GRK3: variants seen among roughly 807,000 people sequenced by gnomAD.
The protein encoded by GRK3 is G protein-coupled receptor kinase 3.
Under a neutral mutation model 95.7 loss-of-function variants are expected in GRK3, and 54 were observed. The ratio of observed to expected loss-of-function variants is 0.56; its 90% CI spans 0.45 to 0.71. The LOEUF is 0.71. Among genes scored for constraint, GRK3 ranks in the 30% least tolerant of loss-of-function variants. GRK3 has a pLI of 0.00. For missense variants in GRK3, 649 were observed against 851.2 expected (o/e 0.76, Z 2.96); for synonymous variants, 281 against 290.8 (o/e 0.97, Z 0.34).
chr22:25,704,327 G>A (rs2146456102), intron 15 of GRK3, 118 bp downstream of exon 15: 3 of 680,536 alleles, frequency 4.4e-6, no homozygotes, highest in African/African-American at 1.8e-5. Flanking sequence ...ACTTGAAAGG[G>A]GAAAAAAATA....
At chr22:25,598,985 A>G (rs192271809) in intron 1 of GRK3, among the ~76,000 whole-genome samples, 1 of 152,330 alleles carries the variant, frequency 6.6e-6, no homozygotes, top group African/African-American at 2.4e-5. Flanking sequence ...GATGCTAGAA[A>G]AATTGAATGT....
chr22:25,695,262 C>T (rs1337818071), intron 13 of GRK3, 48 bp downstream of exon 13: 1 of 1,345,706 alleles, frequency 7.4e-7, no homozygotes, highest in South Asian at 1.2e-5. Context: ...GCAGCAGGAG[C>T]TTGGATGAAA....
chr22:25,633,738 G>A (rs2084680575), intron 2 of GRK3, among the ~76,000 whole-genome samples: 1 of 151,948 alleles, frequency 6.6e-6, no homozygotes, highest in East Asian at 1.9e-4. Flanking sequence ...TGGCAAAATG[G>A]TTGATTGTGT....
intron 11 of GRK3, among the ~76,000 whole-genome samples, chr22:25,688,219 G>C (rs567673863): frequency 7.5e-6 from 1 of 133,110 alleles, no homozygotes; most frequent in East Asian, 2.2e-4. Flanking sequence ...CTGGACAACA[G>C]AGCAAGACTC....
At chr22:25,597,993 G>A (rs977707103) in intron 1 of GRK3, among the ~76,000 whole-genome samples, 17 of 152,208 alleles carry the variant, frequency 1.1e-4, no homozygotes, top group African/African-American at 3.9e-4. Flanking sequence ...GGCAGAAGGT[G>A]TATGGTACCA....
chr22:25,692,088 C>T (rs2085169254), intron 12 of GRK3, among the ~76,000 whole-genome samples: 1 of 152,136 alleles, frequency 6.6e-6, no homozygotes, highest in African/African-American at 2.4e-5. Context: ...CTCAGCTTCC[C>T]AGGTAGCTGG....
intron 3 of GRK3, among the ~76,000 whole-genome samples, chr22:25,655,864 A>G (rs1369182812): frequency 1.3e-5 from 2 of 152,282 alleles, no homozygotes; most frequent in East Asian, 1.9e-4. Flanking sequence ...TCACAGGCTA[A>G]CTGTGAGTTT....
intron 17 of GRK3, among the ~76,000 whole-genome samples, chr22:25,713,069 A>G (rs2085356710): frequency 6.6e-6 from 1 of 152,276 alleles, no homozygotes. Flanking sequence ...GGGCTCAGTC[A>G]TAAAGATCAA....
intron 2 of GRK3, among the ~76,000 whole-genome samples, chr22:25,615,178 T>C (rs537786866): frequency 1.3e-5 from 2 of 152,174 alleles, no homozygotes; most frequent in Non-Finnish European, 2.9e-5. Flanking sequence ...AACTCAACTT[T>C]GTAGCTCTCT....
intron 15 of GRK3, among the ~76,000 whole-genome samples, chr22:25,708,113 T>A (rs1420898660): frequency 2.0e-5 from 3 of 152,046 alleles, no homozygotes; most frequent in African/African-American, 7.2e-5. Flanking sequence ...CCGGGTGTGG[T>A]GGCACGCACC....
chr22:25,649,774 G>A (rs1398246849), intron 3 of GRK3, among the ~76,000 whole-genome samples: 6 of 152,064 alleles, frequency 3.9e-5, no homozygotes, highest in African/African-American at 1.4e-4. Flanking sequence ...ATGGACATGG[G>A]CCAGGTTTTT....
chr22:25,609,541 A>G (rs1186613450), intron 2 of GRK3, among the ~76,000 whole-genome samples: 1 of 152,066 alleles, frequency 6.6e-6, no homozygotes, highest in East Asian at 1.9e-4. Context: ...CACGTTGGCC[A>G]GGCTGGTCTC....
intron 14 of GRK3, 144 bp downstream of exon 14, chr22:25,703,720 C>A: frequency 1.7e-6 from 1 of 581,878 alleles, no homozygotes; most frequent in Non-Finnish European, 2.9e-6. Flanking sequence ...TTTCTTGAAA[C>A]AAATAAATGC....
At chr22:25,585,060 A>G (rs1350634756) in intron 1 of GRK3, among the ~76,000 whole-genome samples, 11 of 152,402 alleles carry the variant, frequency 7.2e-5, no homozygotes, top group Admixed American at 7.2e-4. Context: ...GTTATTCAGA[A>G]CTGACTAGGG....
chr22:25,640,964 G>T (rs538214419), intron 2 of GRK3, among the ~76,000 whole-genome samples: 10 of 152,232 alleles, frequency 6.6e-5, no homozygotes, highest in African/African-American at 2.4e-4. Context: ...CTCATATTTT[G>T]CCCTAATCTA....
rs756626950 is a variant in GRK3, at chr22:25,674,442, C to T, written c.561C>T (p.Thr187=). Reference sequence around the variant, plus strand: ...TTTGTGTTTGGATTTCCCAGTTGACCATGAATGAGTTCAGTGTGCATAGGA... The same window carrying T: ...TTTGTGTTTGGATTTCCCAGTTGACTATGAATGAGTTCAGTGTGCATAGGA... The part of the protein sequence containing the change: ...WKNVELNIHL[T]MNEFSVHRII... The change falls in exon 8 of 21, where the codon ACC becomes ACT. Residue 187 remains threonine, a synonymous_variant. Coordinates refer to ENST00000324198, the MANE Select transcript of GRK3 (RefSeq NM_005160.4). 7.4e-6 allele frequency: 12 copies of T among 1,612,086 alleles called. No homozygotes were observed. The highest frequency in any genetic ancestry group is 1.7e-4 in the Middle Eastern group (1 of 6,060).
At chr22:25,622,220 G>A (rs2084591447) in intron 2 of GRK3, among the ~76,000 whole-genome samples, 1 of 152,246 alleles carries the variant, frequency 6.6e-6, no homozygotes. Flanking sequence ...AGGAACACTG[G>A]CAGAGAAGTG....
In GRK3 at chr22:25,723,703, C is replaced by A. The variant is rs895921640; in HGVS notation, c.*1253C>A. On this transcript the variant is annotated 3_prime_UTR_variant, in exon 21 of 21. Transcript: ENST00000324198. ...TCTTAAAAAAAAAATTTTACAAATC[C>A]ACGTATTTGTCCCATTCTTGGAGTA... 3 of 152,078 alleles carry A rather than the reference C, an allele frequency of 2.0e-5. No individual in the cohort carries two copies. The highest frequency in any genetic ancestry group is 2.0e-4 in the Admixed American group (3 of 15,278). 9.4% of individuals were successfully genotyped at this position (152,078 alleles called of 1,614,324 possible). A position where few individuals can be genotyped will look rare whatever the true frequency, so the allele number is the denominator to read the frequency against.
At position 25,722,568 on chromosome 22, in the gene GRK3, G is replaced by C; in HGVS notation, c.*118G>C. Reference sequence around the variant, plus strand: ...CGGGACTCCTCCAGGCTCCCGAGAGGAGTCGGGACCCTTCGGCTTGGGGTC... The same window carrying C: ...CGGGACTCCTCCAGGCTCCCGAGAGCAGTCGGGACCCTTCGGCTTGGGGTC... On this transcript the variant is annotated 3_prime_UTR_variant, in exon 21 of 21. Transcript: ENST00000324198. The C allele has an allele frequency of 9.1e-7, 1 of 1,095,796 alleles. No individual in the cohort carries two copies. The highest frequency in any genetic ancestry group is 1.6e-5 in the African/African-American group (1 of 63,416). 67.9% of individuals were successfully genotyped at this position (1,095,796 alleles called of 1,614,324 possible). A position where few individuals can be genotyped will look rare whatever the true frequency, so the allele number is the denominator to read the frequency against.
Sources: allele counts gnomAD v4.1 joint callset (sites outside exome capture counted in the v4.1 genomes callset), GRCh38; gene constraint gnomAD v4.1.1; transcripts MANE v1.5; gene names NCBI Gene and HGNC (gene_info 2026-07-23, HGNC 2026-07-21).